The following WDR33 variants were observed in gnomAD, a reference collection of about 807,000 sequenced individuals.
The protein encoded by WDR33 is WD repeat domain 33, also known as pre-mRNA 3' end processing protein WDR33.
In WDR33, 47 loss-of-function variants were observed where a neutral mutation model predicts 164.9. The ratio of observed to expected loss-of-function variants is 0.29; its 90% CI spans 0.23 to 0.36. The LOEUF is 0.36. WDR33 is among the 10% of genes least tolerant of loss of function. The probability of loss-of-function intolerance (pLI) is 1.00; values close to 1 mark genes in which losing one functional copy is unlikely to be tolerated. For missense variants in WDR33, 1,137 were observed against 1,754.1 expected (o/e 0.65, Z 6.28); for synonymous variants, 505 against 589.0 (o/e 0.86, Z 2.06).
At chr2:127,798,581 G>A (rs926986011) in intron 1 of WDR33, among the ~76,000 whole-genome samples, 1 of 151,850 alleles carries the variant, frequency 6.6e-6, no homozygotes, top group African/African-American at 2.4e-5. Flanking sequence ...TATCTACACA[G>A]ACCTAAAAGC....
intron 7 of WDR33, chr2:127,762,649 T>C (rs1008993962): frequency 1.0e-6 from 1 of 995,420 alleles, no homozygotes; most frequent in African/African-American, 1.7e-5. Context: ...CACTAAGAAG[T>C]GTAGCTTTGA....
Position 127,768,180 on chromosome 2 carries a change from A to G in WDR33, c.378+9T>C, listed in dbSNP as rs1235399062. 6.7e-7 allele frequency: 1 copy of G among 1,498,728 alleles called. No individual in the cohort carries two copies. Among genetic ancestry groups the G allele is most frequent in the South Asian group, 1.4e-5 (1 of 72,442 alleles). The allele number at this position is 1,498,728 out of a possible 1,614,324, so 92.8% of individuals were successfully genotyped here. On this transcript the variant is annotated intron_variant, in intron 4 of 21. Transcript: ENST00000322313. ...AATTTTCCCCCAAAATATCCAACAG[A>G]TTACTTACCCTAACAACAAATACAG...
rs186679296 is a variant in WDR33, at chr2:127,784,400, T to C, written c.-23-13396A>G. ...CATATTTTTTATTCTTTTTTTGTTT[T>C]TCGAGACAGGGTCTCACTCTGTCAC... On this transcript the variant is annotated intron_variant, in intron 1 of 21. Coordinates refer to ENST00000322313, the MANE Select transcript of WDR33 (RefSeq NM_018383.5). Among the ~76,000 whole-genome samples, 492 of 152,304 alleles carry C rather than the reference T, an allele frequency of 3.2e-3. 3 individuals are homozygous for C. Among genetic ancestry groups the C allele is most frequent in the Middle Eastern group, 6.8e-3 (2 of 294 alleles).
chr2:127,806,522 T>C, intron 1 of WDR33, among the ~76,000 whole-genome samples: 1 of 152,164 alleles, frequency 6.6e-6, no homozygotes, highest in Non-Finnish European at 1.5e-5. Context: ...TTAGTTGTTT[T>C]CACTCCATTC....
At chr2:127,727,688 A>G (rs1686604452) in intron 7 of WDR33, among the ~76,000 whole-genome samples, 2 of 152,232 alleles carry the variant, frequency 1.3e-5, no homozygotes, top group Non-Finnish European at 2.9e-5. Context: ...TAAATTTGAA[A>G]AAAATGGATA....
chr2:127,737,445 G>C (rs950312090), intron 7 of WDR33: 1 of 985,354 alleles, frequency 1.0e-6, no homozygotes. Flanking sequence ...TCACAATTCA[G>C]TAACAATATA....
rs1686143391 is a variant in WDR33 at position 127,710,846 on chromosome 2, C to T, written c.3309-990G>A. Among the ~76,000 whole-genome samples the T allele has an allele frequency of 6.6e-6, 1 of 152,142 alleles. No individual in the cohort carries two copies. Among genetic ancestry groups the T allele is most frequent in the Non-Finnish European group, 1.5e-5 (1 of 68,036 alleles). On this transcript the variant is annotated intron_variant, in intron 18 of 21. Coordinates refer to ENST00000322313, the MANE Select transcript of WDR33 (RefSeq NM_018383.5). The surrounding 1 kb of genome is among the most constrained non-coding windows in gnomAD (Gnocchi z 4.4). ...TCTACTTGGAAGATTTTCAAACTTA[C>T]AGTAAAGCTGAAAGAACAGTACAAT...
In WDR33 at chr2:127,763,223, C is replaced by T; in HGVS notation, c.627-64G>A. On this transcript the variant is annotated intron_variant, in intron 6 of 21. Transcript: ENST00000322313. The surrounding 1 kb of genome is among the most constrained non-coding windows in gnomAD (Gnocchi z 4.5). ...CATTTAACAGATAATCTGTGCTTCT[C>T]AGACAGGGAAAAATAAAAACACTGT... 11 of 1,610,838 alleles carry T rather than the reference C, an allele frequency of 6.8e-6. 1 individual carries two copies. The South Asian group carries it at 1.2e-4, about 18-fold the overall frequency.
chr2:127,771,842 T>C (rs1192834072), intron 1 of WDR33, among the ~76,000 whole-genome samples: 1 of 152,004 alleles, frequency 6.6e-6, no homozygotes, highest in African/African-American at 2.4e-5. Flanking sequence ...GAATAAGTGC[T>C]AAGAGGCATT....
chr2:127,795,118 T>TTTTTTTTA (rs1688989836), intron 1 of WDR33, among the ~76,000 whole-genome samples: 1 of 147,032 alleles, frequency 6.8e-6, no homozygotes, highest in Non-Finnish European at 1.5e-5. Flanking sequence ...TTTTTTTTTT[T>TTTTTTTTA]GAGAGGGAGT....
At chr2:127,711,774 A>ATTTTTTTT (rs1382438028) in intron 18 of WDR33, among the ~76,000 whole-genome samples, 2,552 of 93,038 alleles carry the variant, frequency 0.027, 139 homozygotes, top group Non-Finnish European at 0.037. Context: ...ATATATATAT[A>ATTTTTTTT]TATATATTTT....
intron 1 of WDR33, among the ~76,000 whole-genome samples, chr2:127,778,556 G>A (rs1248354646): frequency 6.6e-6 from 1 of 151,966 alleles, no homozygotes; most frequent in Non-Finnish European, 1.5e-5. Flanking sequence ...GAGTCTGACC[G>A]TTTCTCAGTA....
chr2:127,798,462 T>A (rs1689121875), intron 1 of WDR33, among the ~76,000 whole-genome samples: 2 of 150,624 alleles, frequency 1.3e-5, no homozygotes, highest in Non-Finnish European at 2.9e-5. Context: ...CCTAAAGAGC[T>A]GGTTGGCCCT....
chr2:127,773,633 A>G (rs1688084501), intron 1 of WDR33, among the ~76,000 whole-genome samples: 1 of 152,146 alleles, frequency 6.6e-6, no homozygotes, highest in African/African-American at 2.4e-5. Flanking sequence ...TAAGCAGTTG[A>G]TTCAATAAGG....
rs1049015480 is a variant in WDR33 at position 127,701,647 on chromosome 2, C to A, written c.*4676G>T. 2 of 1,299,552 alleles carry A rather than the reference C, an allele frequency of 1.5e-6. No homozygotes were observed. Among genetic ancestry groups the A allele is most frequent in the Admixed American group, 4.1e-5 (1 of 24,382 alleles). The allele number at this position is 1,299,552 out of a possible 1,614,324, so 80.5% of individuals were successfully genotyped here. ...GCGGAGGAGCCCGGGGACCGGCCGG[C>A]GGAGGAGTGGCTGGGCCGCGCGGGC... is the stretch of plus-strand genomic sequence containing the variant. On this transcript the variant is annotated 3_prime_UTR_variant, in exon 22 of 22. Transcript: ENST00000322313.
At chr2:127,737,492 A>C in intron 7 of WDR33, 1 of 986,308 alleles carries the variant, frequency 1.0e-6, no homozygotes, top group Non-Finnish European at 1.2e-6. Context: ...CATCACTTGA[A>C]AAGCTAGAAA....
At chr2:127,789,736 G>A (rs1433572843) in intron 1 of WDR33, among the ~76,000 whole-genome samples, 1 of 150,850 alleles carries the variant, frequency 6.6e-6, no homozygotes, top group African/African-American at 2.4e-5. Context: ...ACTTTAGGGA[G>A]GAGGCATTTC....
In WDR33 at chr2:127,717,417, A is replaced by G. The variant is rs1365705319; in HGVS notation, c.2761-154T>C. Among the ~76,000 whole-genome samples, 1 of 152,234 alleles carries G rather than the reference A, an allele frequency of 6.6e-6. No individual in the cohort carries two copies. Among genetic ancestry groups the G allele is most frequent in the Non-Finnish European group, 1.5e-5 (1 of 68,042 alleles). ...GTCCTTAAATCAGGAGAAAGGAGAT[A>G]CTTCTTTTACTATAATAATTTTTTT... On this transcript the variant is annotated intron_variant, in intron 16 of 21. Transcript: ENST00000322313. The surrounding 1 kb of genome is among the most constrained non-coding windows in gnomAD (Gnocchi z 5.6).
chr2:127,799,671 T>TGTAA (rs1689167951), intron 1 of WDR33, among the ~76,000 whole-genome samples: 4 of 152,304 alleles, frequency 2.6e-5, no homozygotes, highest in Admixed American at 2.6e-4. Context: ...GGCAGGCACC[T>TGTAA]GTAATCCCAG....
Sources: allele counts gnomAD v4.1 joint callset (sites outside exome capture counted in the v4.1 genomes callset), GRCh38; gene constraint gnomAD v4.1.1; non-coding constraint Gnocchi (gnomAD v3.1); transcripts MANE v1.5; gene names NCBI Gene and HGNC (gene_info 2026-07-23, HGNC 2026-07-21).